The following NARS2 variants were observed in gnomAD, a reference collection of about 807,000 sequenced individuals.
NARS2 encodes asparaginyl-tRNA synthetase 2, mitochondrial.
In NARS2, 60 loss-of-function variants were observed where a neutral mutation model predicts 62.9. The observed-to-expected ratio is 0.95, with a 90% CI of 0.77 to 1.18. NARS2 has a LOEUF of 1.18. Among genes scored for constraint, NARS2 ranks in the 50% most tolerant of loss-of-function variants. NARS2 has a pLI of 0.00. For missense variants in NARS2, 619 were observed against 576.4 expected (o/e 1.07, Z -0.76); for synonymous variants, 196 against 200.0 (o/e 0.98, Z 0.17).
At chr11:78,444,727 C>CAAAGAAAAAAAAAAAAA (rs56788561) in intron 11 of NARS2, among the ~76,000 whole-genome samples, 1 of 92,416 alleles carries the variant, frequency 1.1e-5, no homozygotes, top group African/African-American at 3.6e-5. Context: ...TCAAACAAAA[C>CAAAGAAAAAAAAAAAAA]AAAAAAAAAA....
chr11:78,471,088 G>A (rs756133054), intron 9 of NARS2, among the ~76,000 whole-genome samples: 4 of 151,994 alleles, frequency 2.6e-5, no homozygotes, highest in Non-Finnish European at 5.9e-5. Flanking sequence ...TTTTTCCTAA[G>A]AATCTATTCA....
rs969197242 is a variant in NARS2, at chr11:78,447,093, A to T, written c.1165-3335T>A. 2.8e-4 allele frequency among the ~76,000 whole-genome samples: 42 copies of T among 152,102 alleles called. 1 individual carries two copies. The highest frequency in any genetic ancestry group is 2.9e-5 in the Non-Finnish European group (2 of 68,010). ...CAAATGACTAACAGGTGCAAGAAAA[A>T]ATGCTCAAAATCACTAATTATTAAG... On this transcript the variant is annotated intron_variant, in intron 11 of 13. Transcript: ENST00000281038.
At chr11:78,522,271 C>T (rs1169653156) in intron 6 of NARS2, among the ~76,000 whole-genome samples, 1 of 152,002 alleles carries the variant, frequency 6.6e-6, no homozygotes, top group African/African-American at 2.4e-5. Flanking sequence ...AATCTACTCT[C>T]TAATGATGAT....
intron 6 of NARS2, among the ~76,000 whole-genome samples, chr11:78,526,520 A>G (rs10793321): frequency 0.81 from 122,912 of 152,114 alleles, 50,145 homozygotes; most frequent in African/African-American, 0.88. Flanking sequence ...AATAAATCAT[A>G]CTTTAATCAA....
intron 4 of NARS2, among the ~76,000 whole-genome samples, chr11:78,561,181 C>T (rs569560727): frequency 6.6e-6 from 1 of 152,316 alleles, no homozygotes; most frequent in African/African-American, 2.4e-5. Flanking sequence ...GCAGCTTTCG[C>T]TGCTTTAAAA....
intron 11 of NARS2, among the ~76,000 whole-genome samples, chr11:78,451,158 T>A (rs1436415244): frequency 6.6e-6 from 1 of 152,262 alleles, no homozygotes; most frequent in African/African-American, 2.4e-5. Context: ...AGAGTATTCT[T>A]CAATTACAAA....
intron 6 of NARS2, among the ~76,000 whole-genome samples, chr11:78,503,427 G>A (rs1051113951): frequency 6.7e-6 from 1 of 149,246 alleles, no homozygotes; most frequent in East Asian, 1.9e-4. Context: ...TAGTAGAGGC[G>A]GGGCTTCTCC....
intron 6 of NARS2, among the ~76,000 whole-genome samples, chr11:78,510,561 TA>T (rs1860682635): frequency 6.6e-6 from 1 of 152,018 alleles, no homozygotes; most frequent in Non-Finnish European, 1.5e-5. Flanking sequence ...AGAAGATAAC[TA>T]AAAAGAGAGA....
chr11:78,507,832 T>G (rs571606531), intron 6 of NARS2, among the ~76,000 whole-genome samples: 3 of 151,326 alleles, frequency 2.0e-5, no homozygotes, highest in African/African-American at 7.3e-5. Context: ...GTTTTCATTT[T>G]TAAAAAAATC....
At chr11:78,457,402 C>T (rs922058483) in intron 11 of NARS2, among the ~76,000 whole-genome samples, 2 of 152,122 alleles carry the variant, frequency 1.3e-5, no homozygotes, top group African/African-American at 4.8e-5. Context: ...CCAGTTATTA[C>T]AGCCCTACTA....
chr11:78,524,011 A>C (rs1426368617), intron 6 of NARS2, among the ~76,000 whole-genome samples: 2 of 152,090 alleles, frequency 1.3e-5, no homozygotes, highest in African/African-American at 4.8e-5. Flanking sequence ...CTCTCAATAT[A>C]ACAATTTAAT....
intron 3 of NARS2, 112 bp downstream of exon 3, chr11:78,568,520 T>C: frequency 1.5e-6 from 2 of 1,300,094 alleles, no homozygotes; most frequent in Non-Finnish European, 2.1e-6. Context: ...TTCAATTATC[T>C]GTCACAAATG....
At chr11:78,516,193 T>C (rs1394225011) in intron 6 of NARS2, among the ~76,000 whole-genome samples, 1 of 152,148 alleles carries the variant, frequency 6.6e-6, no homozygotes, top group East Asian at 1.9e-4. Flanking sequence ...AAACATGACA[T>C]AAAAGTACAG....
chr11:78,573,092 T>C (rs1018507066), intron 1 of NARS2: 2 of 152,056 alleles, frequency 1.3e-5, no homozygotes, highest in Non-Finnish European at 2.9e-5. Flanking sequence ...AACAGACCTA[T>C]GGAAAGAATA....
intron 5 of NARS2, among the ~76,000 whole-genome samples, chr11:78,530,356 T>C (rs547416226): frequency 6.6e-6 from 1 of 152,348 alleles, no homozygotes; most frequent in Non-Finnish European, 1.5e-5. Context: ...AAGACTACCA[T>C]ACTTTCTCCT....
At chr11:78,519,627 A>G (rs1265699761) in intron 6 of NARS2, among the ~76,000 whole-genome samples, 1 of 152,178 alleles carries the variant, frequency 6.6e-6, no homozygotes, top group Non-Finnish European at 1.5e-5. Flanking sequence ...ACAGTAATCC[A>G]TTATATGAAC....
chr11:78,555,078 G>A (rs1856296775), intron 5 of NARS2: 1 of 152,220 alleles, frequency 6.6e-6, no homozygotes, highest in Admixed American at 6.5e-5. Flanking sequence ...TCCCAGCAAT[G>A]AAGCCTACTT....
At chr11:78,464,689 T>C (rs1858542494) in intron 11 of NARS2, among the ~76,000 whole-genome samples, 1 of 152,092 alleles carries the variant, frequency 6.6e-6, no homozygotes, top group African/African-American at 2.4e-5. Context: ...TTACAATCCC[T>C]TAGCTAGACA....
At chr11:78,503,072 C>G (rs1410253099) in intron 6 of NARS2, among the ~76,000 whole-genome samples, 1 of 151,946 alleles carries the variant, frequency 6.6e-6, no homozygotes, top group African/African-American at 2.4e-5. Context: ...CCTTGCTACC[C>G]TATAAGAGAG....
Sources: allele counts gnomAD v4.1 joint callset (sites outside exome capture counted in the v4.1 genomes callset), GRCh38; gene constraint gnomAD v4.1.1; transcripts MANE v1.5; gene names NCBI Gene and HGNC (gene_info 2026-07-23, HGNC 2026-07-21).